RNF220: variants seen among roughly 807,000 people sequenced by gnomAD.
RNF220 encodes E3 ubiquitin-protein ligase RNF220.
Under a neutral mutation model 67.1 loss-of-function variants are expected in RNF220, and 7 were observed. The ratio of observed to expected loss-of-function variants is 0.10; its 90% CI spans 0.06 to 0.20. The LOEUF (loss-of-function observed/expected upper bound fraction) is 0.20. Ranked by LOEUF, RNF220 falls within the 10% of genes least tolerant of loss-of-function variation. The probability of loss-of-function intolerance (pLI) is 1.00; values close to 1 mark genes in which losing one functional copy is unlikely to be tolerated. For missense variants in RNF220, 565 were observed against 740.3 expected, an observed-to-expected ratio of 0.76 and a Z score of 2.75; for synonymous variants, 270 against 283.2, an observed-to-expected ratio of 0.95 and a Z score of 0.47.
At chr1:44,454,275 T>C (rs570280414) in intron 2 of RNF220, among the ~76,000 whole-genome samples, 4 of 152,338 alleles carry the variant, frequency 2.6e-5, no homozygotes, top group African/African-American at 9.6e-5. Context: ...TGGAATGGTA[T>C]ATCTTTGCTT....
chr1:44,591,956 G>A (rs1325794936), intron 2 of RNF220, among the ~76,000 whole-genome samples: 1 of 152,056 alleles, frequency 6.6e-6, no homozygotes, highest in Non-Finnish European at 1.5e-5. Flanking sequence ...TCCTCACAGT[G>A]GTATCTTAGG....
rs1247716113 is a variant in RNF220 at position 44,423,883 on chromosome 1, AAAAG to A, written c.625+11166_625+11169del. 3 of 985,306 alleles carry A rather than the reference AAAAG, an allele frequency of 3.0e-6. No homozygotes were observed. In the African/African-American group the frequency reaches 5.2e-5, roughly 17 times the overall value. 61.0% of individuals were successfully genotyped at this position (985,306 alleles called of 1,614,324 possible). On this transcript the variant is annotated intron_variant, in intron 2 of 14. Transcript: ENST00000361799. ...GTGCCAAGAGTATTGAAGAAGGAAA[AAAAG>A]AAAGCGAAGCAAACCGTTGTTCTAG...
intron 2 of RNF220, among the ~76,000 whole-genome samples, chr1:44,447,947 G>A (rs764915025): frequency 1.2e-4 from 19 of 152,194 alleles, no homozygotes; most frequent in Non-Finnish European, 2.8e-4. Context: ...TAGCTACGGG[G>A]AGATGATGGT....
intron 2 of RNF220, among the ~76,000 whole-genome samples, chr1:44,436,066 G>A (rs759792726): frequency 2.0e-4 from 30 of 151,952 alleles, no homozygotes; most frequent in Non-Finnish European, 3.5e-4. Context: ...TAACAGAATC[G>A]TCCTAATGTA....
intron 2 of RNF220, among the ~76,000 whole-genome samples, chr1:44,584,939 T>C (rs1004682365): frequency 1.3e-5 from 2 of 152,304 alleles, no homozygotes; most frequent in East Asian, 1.9e-4. Context: ...CCTCAAGTGA[T>C]CTGCCCACTT....
At position 44,412,616 on chromosome 1, in the gene RNF220, C is replaced by T. The variant is rs1572412731; in HGVS notation, c.519C>T (p.Ser173=). The T allele has an allele frequency of 1.9e-6, 3 of 1,614,188 alleles. No individual in the cohort carries two copies. Among genetic ancestry groups the T allele is most frequent in the East Asian group, 4.5e-5 (2 of 44,884 alleles). ...YDFGTQLPSS[S]PGSLKVDDTG... Reference sequence around the variant, plus strand: ...TTGGGACACAGCTGCCATCTAGCTCCCCCGGTTCACTAAAGGTTGATGACA... The same window carrying T: ...TTGGGACACAGCTGCCATCTAGCTCTCCCGGTTCACTAAAGGTTGATGACA... The change falls in exon 2 of 15, where the codon TCC becomes TCT. Residue 173 remains serine, a synonymous_variant. Transcript: ENST00000361799. This position sits in a 1 kb window ranked among gnomAD's most constrained non-coding sequence, Gnocchi z 5.3.
chr1:44,407,655 G>A lies in RNF220; in HGVS notation c.-118+2125G>A, dbSNP rs1045793393. Among the ~76,000 whole-genome samples, 13 of 152,062 alleles carry A rather than the reference G, an allele frequency of 8.5e-5. 1 individual carries two copies. The highest frequency in any genetic ancestry group is 1.9e-4 in the Non-Finnish European group (13 of 67,980). Reference sequence around the variant, plus strand: ...CACACACCTGTTCTGCGAGCCGCGCGGTGTGCGGCGGCCGGACGGCCGCGG... The same window carrying A: ...CACACACCTGTTCTGCGAGCCGCGCAGTGTGCGGCGGCCGGACGGCCGCGG... On this transcript the variant is annotated intron_variant, in intron 1 of 14. Transcript: ENST00000361799.
intron 2 of RNF220, among the ~76,000 whole-genome samples, chr1:44,574,863 GT>G (rs5773842): frequency 0.36 from 54,116 of 149,946 alleles, 10,729 homozygotes; most frequent in Middle Eastern, 0.52. Flanking sequence ...TTGCATTTGT[GT>G]TTTTTTTTTA....
intron 2 of RNF220, among the ~76,000 whole-genome samples, chr1:44,498,237 G>T (rs981493339): frequency 6.6e-6 from 1 of 152,130 alleles, no homozygotes; most frequent in Non-Finnish European, 1.5e-5. Flanking sequence ...CAGATGTGTG[G>T]TGTAACTCCA....
intron 2 of RNF220, among the ~76,000 whole-genome samples, chr1:44,538,488 G>A (rs938611426): frequency 1.3e-5 from 2 of 152,026 alleles, no homozygotes; most frequent in African/African-American, 4.8e-5. Context: ...TTCTGCCCTC[G>A]CTACTGCAAG....
At chr1:44,592,312 G>A (rs1324139792) in intron 2 of RNF220, among the ~76,000 whole-genome samples, 1 of 152,218 alleles carries the variant, frequency 6.6e-6, no homozygotes, top group East Asian at 1.9e-4. Flanking sequence ...GGTGGTGGCA[G>A]GGCAGAGAGG....
chr1:44,609,921 C>A (rs963679796), intron 2 of RNF220, among the ~76,000 whole-genome samples: 1 of 152,202 alleles, frequency 6.6e-6, no homozygotes, highest in South Asian at 2.1e-4. Flanking sequence ...CCCTGACTCC[C>A]GGTCCCTGCC....
At chr1:44,419,569 A>G (rs1418810241) in intron 2 of RNF220, 2 of 152,228 alleles carry the variant, frequency 1.3e-5, no homozygotes, top group Admixed American at 6.5e-5. Flanking sequence ...AAAAGGGTTT[A>G]GTGTTCATTG....
rs766542426 is a variant in RNF220 at position 44,495,501 on chromosome 1, G to C, written c.625+82779G>C. On this transcript the variant is annotated intron_variant, in intron 2 of 14. Transcript: ENST00000361799. ...AGATTGCTTTGGAAGCATGTAGTTA[G>C]TAAGGGAACGTAACCTAATTTAGTT... Among the ~76,000 whole-genome samples, 2 of 152,356 alleles carry C rather than the reference G, an allele frequency of 1.3e-5. 1 individual carries two copies. Among genetic ancestry groups the C allele is most frequent in the Middle Eastern group, 6.8e-3 (2 of 294 alleles).
At chr1:44,482,920 C>CTTTTTT (rs34268893) in intron 2 of RNF220, among the ~76,000 whole-genome samples, 45 of 69,164 alleles carry the variant, frequency 6.5e-4, no homozygotes, top group African/African-American at 8.9e-4. Flanking sequence ...CACACCCAGC[C>CTTTTTT]TTTTTTTTTT....
chr1:44,436,919 G>A (rs1281016608), intron 2 of RNF220, among the ~76,000 whole-genome samples: 2 of 152,112 alleles, frequency 1.3e-5, no homozygotes, highest in Non-Finnish European at 2.9e-5. Flanking sequence ...AAGTGCCCAG[G>A]GAATTAGAAA....
intron 2 of RNF220, among the ~76,000 whole-genome samples, chr1:44,435,597 C>T (rs966496771): frequency 6.6e-6 from 1 of 152,150 alleles, no homozygotes; most frequent in Non-Finnish European, 1.5e-5. Flanking sequence ...TGAATCTAAA[C>T]TTGTGCTGGC....
intron 2 of RNF220, among the ~76,000 whole-genome samples, chr1:44,487,035 G>C (rs1656368901): frequency 6.6e-6 from 1 of 152,118 alleles, no homozygotes; most frequent in Admixed American, 6.6e-5. Context: ...GAATTAGAAG[G>C]ACGGTTTAAA....
chr1:44,461,241 T>TATCCTTCTAGAAGTGGATTTTC (rs1653730598), intron 2 of RNF220, among the ~76,000 whole-genome samples: 1 of 152,212 alleles, frequency 6.6e-6, no homozygotes, highest in African/African-American at 2.4e-5. Context: ...CCAGGATTTT[T>TATCCTTCTAGAAGTGGATTTTC]ATCCTTCTAG....
Sources: allele counts gnomAD v4.1 joint callset (sites outside exome capture counted in the v4.1 genomes callset), GRCh38; gene constraint gnomAD v4.1.1; non-coding constraint Gnocchi (gnomAD v3.1); transcripts MANE v1.5; gene names NCBI Gene and HGNC (gene_info 2026-07-23, HGNC 2026-07-21).